TSPAN18: variants seen among roughly 807,000 people sequenced by gnomAD.
TSPAN18 encodes tetraspanin-18.
A neutral mutation model predicts 27.3 loss-of-function variants in TSPAN18; 14 were observed. The observed-to-expected ratio is 0.51, with a 90% confidence interval of 0.34 to 0.80. The LOEUF is 0.80. Among genes scored for constraint, TSPAN18 ranks in the 30% least tolerant of loss-of-function variants. TSPAN18 has a pLI of 0.01. For missense variants in TSPAN18, 268 were observed against 323.9 expected (o/e 0.83, Z 1.32); for synonymous variants, 143 against 136.5 (o/e 1.05, Z -0.33).
intron 2 of TSPAN18, among the ~76,000 whole-genome samples, chr11:44,788,225 C>A (rs1051060349): frequency 2.6e-5 from 4 of 152,142 alleles, no homozygotes; most frequent in African/African-American, 9.7e-5. Context: ...GATTGGTCAC[C>A]GCAGAACCTC....
At chr11:44,861,393 T>G (rs1237684459) in intron 3 of TSPAN18, among the ~76,000 whole-genome samples, 6 of 101,870 alleles carry the variant, frequency 5.9e-5, no homozygotes, top group East Asian at 3.3e-4. Flanking sequence ...GTGCGGGGGT[T>G]GGTGGGGTGC....
At chr11:44,882,084 C>A (rs1304625923) in intron 3 of TSPAN18, among the ~76,000 whole-genome samples, 1 of 152,082 alleles carries the variant, frequency 6.6e-6, no homozygotes, top group Non-Finnish European at 1.5e-5. Flanking sequence ...CCTGGTGGTC[C>A]TGGAGTCACC....
chr11:44,857,113 G>C (rs905291288), intron 2 of TSPAN18, among the ~76,000 whole-genome samples: 2 of 152,234 alleles, frequency 1.3e-5, no homozygotes, highest in African/African-American at 4.8e-5. Context: ...TGAGGAAACT[G>C]AGGCCCAGAG....
At chr11:44,899,099 A>C (rs971537301) in intron 3 of TSPAN18, among the ~76,000 whole-genome samples, 8 of 152,138 alleles carry the variant, frequency 5.3e-5, no homozygotes, top group Admixed American at 4.6e-4. Flanking sequence ...AGACCACAGC[A>C]CCTAAACTGC....
At chr11:44,836,959 C>A (rs906882359) in intron 2 of TSPAN18, among the ~76,000 whole-genome samples, 1 of 152,200 alleles carries the variant, frequency 6.6e-6, no homozygotes, top group African/African-American at 2.4e-5. Context: ...CGTGGTCATC[C>A]AAGAGCTCTG....
At chr11:44,788,617 C>T (rs1856118743) in intron 2 of TSPAN18, among the ~76,000 whole-genome samples, 1 of 151,958 alleles carries the variant, frequency 6.6e-6, no homozygotes, top group Admixed American at 6.6e-5. Context: ...GCCACCACGC[C>T]CAACTAATTT....
intron 2 of TSPAN18, among the ~76,000 whole-genome samples, chr11:44,848,954 A>G (rs1265677929): frequency 6.6e-6 from 1 of 152,220 alleles, no homozygotes; most frequent in Non-Finnish European, 1.5e-5. Flanking sequence ...TTCAAGTCCA[A>G]GTGCAGCCAT....
chr11:44,793,612 A>T (rs1357976074), intron 2 of TSPAN18, among the ~76,000 whole-genome samples: 3 of 152,130 alleles, frequency 2.0e-5, no homozygotes, highest in Non-Finnish European at 4.4e-5. Flanking sequence ...CCTTGTGGGG[A>T]TGCTGGTGAG....
intron 1 of TSPAN18, among the ~76,000 whole-genome samples, chr11:44,738,753 A>AT (rs1410678999): frequency 1.8e-4 from 27 of 152,318 alleles, no homozygotes; most frequent in African/African-American, 5.5e-4. Flanking sequence ...AAACATTCAC[A>AT]TTCCAAAGTG....
At chr11:44,887,527 G>C (rs1315588317) in intron 3 of TSPAN18, among the ~76,000 whole-genome samples, 1 of 152,190 alleles carries the variant, frequency 6.6e-6, no homozygotes, top group Non-Finnish European at 1.5e-5. Context: ...AGGAGATAAT[G>C]TAAGAACTTA....
intron 3 of TSPAN18, among the ~76,000 whole-genome samples, chr11:44,890,972 A>G (rs1858830128): frequency 6.6e-6 from 1 of 152,080 alleles, no homozygotes; most frequent in African/African-American, 2.4e-5. Flanking sequence ...AGAGTTCGAG[A>G]CCAGTCTGGG....
intron 1 of TSPAN18, among the ~76,000 whole-genome samples, chr11:44,731,928 T>C (rs149541680): frequency 1.4e-3 from 218 of 152,334 alleles, no homozygotes; most frequent in Non-Finnish European, 2.2e-3. Flanking sequence ...TATGTGCAGA[T>C]AATGTGTTTA....
At chr11:44,919,742 C>A in intron 7 of TSPAN18, 75 bp from the exon 8 acceptor site, 1 of 1,433,294 alleles carries the variant, frequency 7.0e-7, no homozygotes, top group Non-Finnish European at 9.8e-7. Context: ...TTTGCAGAGG[C>A]TGTATGTCCT....
At chr11:44,796,178 C>G (rs1590483623) in intron 2 of TSPAN18, among the ~76,000 whole-genome samples, 1 of 152,286 alleles carries the variant, frequency 6.6e-6, no homozygotes, top group African/African-American at 2.4e-5. Flanking sequence ...AAAATGGAGG[C>G]TCCTGGTTCT....
Position 44,781,149 on chromosome 11 carries a change from G to T in TSPAN18, c.-153+16637G>T, listed in dbSNP as rs150983037. On this transcript the variant is annotated intron_variant, in intron 2 of 9. Transcript: ENST00000520358. Reference sequence around the variant, plus strand: ...CCTGCAGCCTTGCTGGAGGGCCCTGGCCAGTCTCTCCCCATGTGTAGAGTA... The same window carrying T: ...CCTGCAGCCTTGCTGGAGGGCCCTGTCCAGTCTCTCCCCATGTGTAGAGTA... Among the ~76,000 whole-genome samples, 95 of 152,326 alleles carry T rather than the reference G, an allele frequency of 6.2e-4. No individual in the cohort carries two copies. The East Asian group carries it at 0.018, about 29-fold the overall frequency.
chr11:44,826,215 G>A (rs189803595), intron 2 of TSPAN18, among the ~76,000 whole-genome samples: 2 of 152,308 alleles, frequency 1.3e-5, no homozygotes, highest in Non-Finnish European at 2.9e-5. Flanking sequence ...CTGAGATTAG[G>A]AGTTCAAGAC....
At chr11:44,765,443 T>G (rs835761) in intron 2 of TSPAN18, among the ~76,000 whole-genome samples, 146,843 of 152,226 alleles carry the variant, frequency 0.96, 71,056 homozygotes, top group East Asian at 1. Flanking sequence ...AGAGGAACCT[T>G]GGTTTGAGTC....
intron 2 of TSPAN18, among the ~76,000 whole-genome samples, chr11:44,791,112 C>T (rs1034005341): frequency 6.6e-6 from 1 of 152,180 alleles, no homozygotes; most frequent in Non-Finnish European, 1.5e-5. Flanking sequence ...GAGTAGTGGC[C>T]TCCCGAGAGA....
At chr11:44,861,348 T>C (rs1234686831) in intron 3 of TSPAN18, among the ~76,000 whole-genome samples, 1 of 137,556 alleles carries the variant, frequency 7.3e-6, no homozygotes, top group Non-Finnish European at 1.6e-5. Context: ...ATATGCTGAT[T>C]GGCCAGACTG....
Sources: gnomAD v4.1 joint callset for allele counts (sites outside exome capture counted in the v4.1 genomes callset) on GRCh38, gnomAD v4.1.1 for gene constraint, MANE v1.5 for transcripts, NCBI Gene and HGNC (gene_info 2026-07-23, HGNC 2026-07-21) for gene names.